Variants in PTPRM observed in about 807,000 individuals in gnomAD.
PTPRM encodes receptor-type tyrosine-protein phosphatase mu.
Under a neutral mutation model 186.7 loss-of-function variants are expected in PTPRM, and 47 were observed. The ratio of observed to expected loss-of-function variants is 0.25; its 90% CI spans 0.20 to 0.32. The LOEUF (loss-of-function observed/expected upper bound fraction) is 0.32. Ranked by LOEUF, PTPRM falls within the 10% of genes least tolerant of loss-of-function variation. The probability of loss-of-function intolerance (pLI) is 1.00; values close to 1 mark genes in which losing one functional copy is unlikely to be tolerated. For synonymous variants in PTPRM, 668 were observed against 674.9 expected, an observed-to-expected ratio of 0.99 and a Z score of 0.16; for missense variants, 1,494 against 1,865.0, an observed-to-expected ratio of 0.80 and a Z score of 3.66.
chr18:8,248,934 A>G (rs1243958506), intron 17 of PTPRM, among the ~76,000 whole-genome samples: 1 of 152,220 alleles, frequency 6.6e-6, no homozygotes, highest in African/African-American at 2.4e-5. Context: ...CGTTTGTCCA[A>G]TATAAGAAGG....
intron 5 of PTPRM, among the ~76,000 whole-genome samples, chr18:7,927,405 G>A (rs559831152): frequency 6.6e-6 from 1 of 151,228 alleles, no homozygotes; most frequent in South Asian, 2.1e-4. Flanking sequence ...TTAATCTGGA[G>A]GCTGCTCATT....
At chr18:7,801,201 G>A (rs1218482182) in intron 2 of PTPRM, among the ~76,000 whole-genome samples, 1 of 149,614 alleles carries the variant, frequency 6.7e-6, no homozygotes. Flanking sequence ...TTTGACTTTT[G>A]TAATAACACT....
At chr18:8,049,404 C>CT (rs2087302074) in intron 7 of PTPRM, 2 of 152,240 alleles carry the variant, frequency 1.3e-5, no homozygotes, top group South Asian at 2.1e-4. Flanking sequence ...AACACAGAAA[C>CT]TTGGAAAGGC....
chr18:8,230,435 T>C (rs1328450198), intron 14 of PTPRM, among the ~76,000 whole-genome samples: 1 of 152,190 alleles, frequency 6.6e-6, no homozygotes, highest in Non-Finnish European at 1.5e-5. Flanking sequence ...CAACCATAAG[T>C]GTAGCTAGTG....
chr18:7,607,691 C>G (rs2143816075), intron 1 of PTPRM, among the ~76,000 whole-genome samples: 1 of 152,216 alleles, frequency 6.6e-6, no homozygotes, highest in East Asian at 1.9e-4. Context: ...GGTTGTGAGG[C>G]CCTCTCTGTG....
intron 2 of PTPRM, among the ~76,000 whole-genome samples, chr18:7,816,976 T>TG (rs386386990): frequency 2.2e-4 from 4 of 18,228 alleles, no homozygotes; most frequent in South Asian, 2.7e-3. Context: ...AGTTAATTAA[T>TG]TTTTTTTTTT....
intron 11 of PTPRM, among the ~76,000 whole-genome samples, chr18:8,096,549 G>A (rs968539857): frequency 1.3e-5 from 2 of 152,270 alleles, no homozygotes; most frequent in South Asian, 2.1e-4. Context: ...TAGATAGACC[G>A]TCTTTAAATG....
chr18:7,583,743 T>C (rs2036906404), intron 1 of PTPRM, among the ~76,000 whole-genome samples: 1 of 152,242 alleles, frequency 6.6e-6, no homozygotes, highest in Admixed American at 6.5e-5. Context: ...TAGATAGAAC[T>C]GTGTTTTTGT....
intron 1 of PTPRM, among the ~76,000 whole-genome samples, chr18:7,610,302 C>G (rs7507022): frequency 6.6e-6 from 1 of 152,066 alleles, no homozygotes; most frequent in Non-Finnish European, 1.5e-5. Flanking sequence ...ATGAATTTCA[C>G]GTAATTTTTA....
intron 7 of PTPRM, among the ~76,000 whole-genome samples, chr18:7,984,655 TA>T (rs1442004606): frequency 2.4e-5 from 3 of 123,850 alleles, no homozygotes; most frequent in Non-Finnish European, 3.4e-5. Context: ...ATATGTGGGG[TA>T]AATATATATA....
At chr18:7,574,988 C>T (rs2036652296) in intron 1 of PTPRM, among the ~76,000 whole-genome samples, 1 of 152,240 alleles carries the variant, frequency 6.6e-6, no homozygotes, top group East Asian at 1.9e-4. Flanking sequence ...GCCGAGATCG[C>T]GCCACTGCAC....
intron 22 of PTPRM, among the ~76,000 whole-genome samples, chr18:8,330,088 G>A (rs1175117303): frequency 6.6e-6 from 1 of 152,034 alleles, no homozygotes; most frequent in Non-Finnish European, 1.5e-5. Context: ...CAGGCATGAG[G>A]CACTGCACCC....
intron 32 of PTPRM, 44 bp downstream of exon 32, chr18:8,394,655 C>G: frequency 6.6e-7 from 1 of 1,513,784 alleles, no homozygotes; most frequent in Non-Finnish European, 8.9e-7. Flanking sequence ...ACCCCATTAG[C>G]ATTAGAATCC....
At chr18:8,064,755 C>CT (rs1448581829) in intron 7 of PTPRM, among the ~76,000 whole-genome samples, 1 of 152,200 alleles carries the variant, frequency 6.6e-6, no homozygotes, top group East Asian at 1.9e-4. Context: ...AAGCCTTTAA[C>CT]TACTTCACCT....
chr18:8,244,741 G>A (rs2094462043), intron 15 of PTPRM, among the ~76,000 whole-genome samples: 1 of 152,120 alleles, frequency 6.6e-6, no homozygotes, highest in African/African-American at 2.4e-5. Context: ...CTCAGCTACT[G>A]CCTTCCCATA....
At chr18:7,667,617 T>C (rs2039125903) in intron 1 of PTPRM, among the ~76,000 whole-genome samples, 1 of 152,226 alleles carries the variant, frequency 6.6e-6, no homozygotes, top group Non-Finnish European at 1.5e-5. Flanking sequence ...TTTTTAGAAC[T>C]TTAATGAATT....
rs143808742 is a variant in PTPRM at position 8,244,166 on chromosome 18, C to G, written c.2409C>G (p.Asp803Glu). ...ATGCTGAGCAGGGCACAAACTGCGA[C>G]GAGGCTTTCTCATTCATGGACACGC... ...KSYAEQGTNC[D>E]EAFSFMDTHN... The change falls in exon 15 of 33, where the codon GAC becomes GAG. Residue 803 changes from aspartate to glutamate, a missense_variant. Around this residue, in one of 3 missense-constraint regions of PTPRM, gnomAD observed 1,107 missense variants for 1,350.2 expected, o/e 0.82. Coordinates refer to ENST00000580170, the MANE Select transcript of PTPRM (RefSeq NM_001105244.2). 4 of 1,596,286 alleles carry G rather than the reference C, an allele frequency of 2.5e-6. No homozygotes were observed. The Admixed American group carries it at 7.1e-5, about 28-fold the overall frequency.
chr18:8,342,827 AG>A (rs1248429774), intron 22 of PTPRM, among the ~76,000 whole-genome samples: 1 of 152,184 alleles, frequency 6.6e-6, no homozygotes, highest in Non-Finnish European at 1.5e-5. Context: ...CCAAGAGCTA[AG>A]GAAGTAGATG....
chr18:7,616,258 C>G (rs1387050994), intron 1 of PTPRM, among the ~76,000 whole-genome samples: 6 of 152,136 alleles, frequency 3.9e-5, no homozygotes, highest in African/African-American at 1.4e-4. Flanking sequence ...TTGGTCAAGG[C>G]TGTGATCTTC....
Sources: allele counts gnomAD v4.1 joint callset (sites outside exome capture counted in the v4.1 genomes callset), GRCh38; gene constraint gnomAD v4.1.1; regional missense constraint gnomAD v4.1.1; transcripts MANE v1.5; gene names NCBI Gene and HGNC (gene_info 2026-07-23, HGNC 2026-07-21).